Variants in NPC1 observed in about 807,000 individuals in gnomAD.
NPC1 encodes NPC intracellular cholesterol transporter 1.
NPC1 carries 85 observed loss-of-function variants against 140.4 expected under a neutral mutation model. That is an observed-to-expected ratio of 0.61 (90% CI 0.51 to 0.72). The LOEUF is 0.72. Among genes scored for constraint, NPC1 ranks in the 30% least tolerant of loss-of-function variants. NPC1 has a pLI of 0.00. For synonymous variants in NPC1, 656 were observed against 624.8 expected (o/e 1.05, Z -0.74); for missense variants, 1,504 against 1,623.8 (o/e 0.93, Z 1.27).
At chr18:23,553,771 G>A (rs924181992) in intron 9 of NPC1, among the ~76,000 whole-genome samples, 3 of 152,218 alleles carry the variant, frequency 2.0e-5, no homozygotes, top group East Asian at 1.9e-4. Flanking sequence ...CCAAAGCACC[G>A]CTTCCTGGGG....
intron 1 of NPC1, chr18:23,576,898 A>G (rs1400251120): frequency 6.5e-6 from 1 of 152,996 alleles, no homozygotes; most frequent in Non-Finnish European, 1.5e-5. Flanking sequence ...TATTGCAAAG[A>G]GCGAAAGAAC....
rs776701050 is a variant in NPC1, at chr18:23,534,475, C to T, written c.3562G>A (p.Glu1188Lys). Reference sequence around the variant, plus strand: ...CTGCCCATGTGGGCAAGTGCCTCTTCCGCGCGCTCCACGCGGCTGCCTTTC... The same window carrying T: ...CTGCCCATGTGGGCAAGTGCCTCTTTCGCGCGCTCCACGCGGCTGCCTTTC... ...SMKGSRVERA[E>K]EALAHMGSSV... is the part of the protein sequence containing the mutation. Residue 1188 changes from glutamate to lysine, a missense_variant, in exon 23 of 25, where the codon GAA (glutamate) becomes AAA (lysine). Physicochemically the swap from Glu to Lys is moderately conservative, Grantham distance 56 (BLOSUM62 1). Coordinates refer to ENST00000269228, the MANE Select transcript of NPC1 (RefSeq NM_000271.5). The T allele has an allele frequency of 6.2e-7, 1 of 1,613,896 alleles. No homozygotes were observed. The highest frequency in any genetic ancestry group is 1.7e-5 in the Admixed American group (1 of 60,034).
downstream of NPC1, chr18:23,530,464 C>T: frequency 6.2e-7 from 1 of 1,614,258 alleles, no homozygotes; most frequent in Non-Finnish European, 8.5e-7. Context: ...TAAGGTTTAT[C>T]CGGGGCATTG....
intron 3 of NPC1, among the ~76,000 whole-genome samples, chr18:23,515,191 T>A (rs1006771452): frequency 6.6e-6 from 1 of 152,114 alleles, no homozygotes; most frequent in Admixed American, 6.6e-5. Context: ...TGCTCTTAGG[T>A]GTATCCATGT....
Position 23,538,528 on chromosome 18 carries a change from G to A in NPC1, c.3041+14C>T, listed in dbSNP as rs1332745899. The A allele has an allele frequency of 1.2e-6, 2 of 1,614,090 alleles. No individual in the cohort carries two copies. Among genetic ancestry groups the A allele is most frequent in the Non-Finnish European group, 1.7e-6 (2 of 1,179,966 alleles). On this transcript the variant is annotated intron_variant, in intron 20 of 24. Transcript: ENST00000269228. ...TTGCAGTGGATGCTTATCTGCAATG[G>A]CAGCAGCACTTACCCTTTGCCACAC...
At chr18:23,528,795 C>A, downstream of NPC1, 1 of 171,388 alleles carries the variant, frequency 5.8e-6, no homozygotes, top group Non-Finnish European at 1.3e-5. Flanking sequence ...CACTGACCAG[C>A]CACATGAGCA....
chr18:23,561,078 C>A (rs944858731), intron 5 of NPC1, among the ~76,000 whole-genome samples: 1 of 152,162 alleles, frequency 6.6e-6, no homozygotes, highest in Non-Finnish European at 1.5e-5. Context: ...ATGGGATGAT[C>A]GTAACTCACT....
At position 23,535,524 on chromosome 18, in the gene NPC1, A is replaced by G; in HGVS notation, c.3422T>C (p.Val1141Ala). 6.2e-7 allele frequency: 1 copy of G among 1,613,974 alleles called. No homozygotes were observed. The highest frequency in any genetic ancestry group is 8.5e-7 in the Non-Finnish European group (1 of 1,179,972). Residue 1141 changes from valine (V) to alanine (A), a missense_variant, in exon 22 of 25, where the codon GTT becomes GCT. By Grantham distance (64) the Val-to-Ala change is moderately conservative. Coordinates refer to ENST00000269228, the MANE Select transcript of NPC1 (RefSeq NM_000271.5). The part of the protein sequence containing the change: ...IAMVLVNMFG[V>A]MWLWGISLNA... ...CAGACTGATGCCCCAGAGCCACATA[A>G]CTCCAAACATGTTGACCAAGACCAT...
chr18:23,564,162 T>A (rs765903593), intron 4 of NPC1, among the ~76,000 whole-genome samples: 11 of 151,504 alleles, frequency 7.3e-5, no homozygotes, highest in Non-Finnish European at 1.3e-4. Context: ...TTTTTCTATT[T>A]TAGTAGAGAC....
At chr18:23,563,816 G>C (rs921557162) in intron 4 of NPC1, among the ~76,000 whole-genome samples, 1 of 152,128 alleles carries the variant, frequency 6.6e-6, no homozygotes, top group Admixed American at 6.6e-5. Flanking sequence ...TGGTGGGTGT[G>C]AAGTGGTATC....
rs1026255222 is a variant in NPC1 at position 23,538,828 on chromosome 18, A to G, written c.2912-157T>C. 13 of 756,826 alleles carry G rather than the reference A, an allele frequency of 1.7e-5. No homozygotes were observed. The Admixed American group carries it at 2.7e-4, about 16-fold the overall frequency. 46.9% of individuals were successfully genotyped at this position (756,826 alleles called of 1,614,324 possible). A position where few individuals can be genotyped will look rare whatever the true frequency, so the allele number is the denominator to read the frequency against. On this transcript the variant is annotated intron_variant, in intron 19 of 24. Coordinates refer to ENST00000269228, the MANE Select transcript of NPC1 (RefSeq NM_000271.5). ...ATCTTTCCCCTTATCTAAAAGCTTC[A>G]GCCACATGTCACTTTCACAGTTTAA...
intron 11 of NPC1, among the ~76,000 whole-genome samples, chr18:23,546,286 T>C (rs1598959305): frequency 7.0e-6 from 1 of 141,958 alleles, no homozygotes. Flanking sequence ...AAGAAATGCA[T>C]TCAGTCTACT....
intron 17 of NPC1, 137 bp from the exon 18 acceptor site, chr18:23,540,138 A>G: frequency 1.3e-6 from 1 of 772,516 alleles, no homozygotes; most frequent in Non-Finnish European, 2.2e-6. Flanking sequence ...GATTCCTAAC[A>G]CCACCAGTCT....
At chr18:23,573,706 T>G in intron 1 of NPC1, 132 bp from the exon 2 acceptor site, 1 of 1,039,452 alleles carries the variant, frequency 9.6e-7, no homozygotes, top group Non-Finnish European at 1.5e-6. Flanking sequence ...CAACAGGCAC[T>G]TAACATTTTG....
At chr18:23,523,580 T>G (rs1470760287) in intron 1 of NPC1, among the ~76,000 whole-genome samples, 1 of 135,778 alleles carries the variant, frequency 7.4e-6, no homozygotes. Context: ...GAAAAAAAGT[T>G]AGGGCATGGT....
chr18:23,541,511 GTACAGA>G, intron 14 of NPC1, 78 bp from the exon 15 acceptor site: 1 of 1,593,672 alleles, frequency 6.3e-7, no homozygotes, highest in Non-Finnish European at 8.6e-7. Context: ...TCATGTGCAT[GTACAGA>G]TACAAGGAGC....
intron 6 of NPC1, among the ~76,000 whole-genome samples, chr18:23,559,217 T>G (rs2059000323): frequency 6.6e-6 from 1 of 152,206 alleles, no homozygotes; most frequent in African/African-American, 2.4e-5. Context: ...GCATGATTTA[T>G]AATCCTTTGG....
chr18:23,552,950 G>A (rs752624533), intron 9 of NPC1, among the ~76,000 whole-genome samples: 2 of 152,200 alleles, frequency 1.3e-5, no homozygotes, highest in African/African-American at 2.4e-5. Flanking sequence ...ATGGGGAGAA[G>A]AAGCAGGTAA....
chr18:23,540,359 T>TG, intron 17 of NPC1, 89 bp downstream of exon 17: 1 of 881,968 alleles, frequency 1.1e-6, no homozygotes. Flanking sequence ...AGCAGGCACT[T>TG]GCTTGAAACA....
Sources: allele counts gnomAD v4.1 joint callset (sites outside exome capture counted in the v4.1 genomes callset), GRCh38; gene constraint gnomAD v4.1.1; transcripts MANE v1.5; gene names NCBI Gene and HGNC (gene_info 2026-07-23, HGNC 2026-07-21).